Variants in DGKB observed in about 807,000 individuals in gnomAD.
DGKB encodes the protein diacylglycerol kinase beta.
A neutral mutation model predicts 114.3 loss-of-function variants in DGKB; 67 were observed. The observed-to-expected ratio is 0.59, with a 90% CI of 0.48 to 0.72. DGKB has a LOEUF of 0.72. DGKB is among the 30% of genes least tolerant of loss of function. The probability of loss-of-function intolerance (pLI) is 0.00; values close to 1 mark genes in which losing one functional copy is unlikely to be tolerated. For missense variants in DGKB, 907 were observed against 975.2 expected (o/e 0.93, Z 0.93); for synonymous variants, 398 against 323.1 (o/e 1.23, Z -2.49).
intron 1 of DGKB, among the ~76,000 whole-genome samples, chr7:14,957,178 G>A (rs545508176): frequency 3.6e-4 from 54 of 151,970 alleles, no homozygotes; most frequent in South Asian, 2.7e-3. Flanking sequence ...AAAATGCTTA[G>A]CCTGATTCAA....
intron 23 of DGKB, among the ~76,000 whole-genome samples, chr7:14,284,837 A>G (rs1380002722): frequency 2.2e-5 from 3 of 135,408 alleles, no homozygotes; most frequent in Admixed American, 1.7e-4. Flanking sequence ...CAGGAAGGGG[A>G]ACATCACACT....
Position 14,793,847 on chromosome 7 carries a change from A to G in DGKB, c.71-36116T>C, listed in dbSNP as rs146757996. 3.8e-3 allele frequency among the ~76,000 whole-genome samples: 584 copies of G among 152,212 alleles called. 2 individuals are homozygous for G. Among genetic ancestry groups the G allele is most frequent in the African/African-American group, 0.014 (561 of 41,552 alleles). On this transcript the variant is annotated intron_variant, in intron 2 of 25. Transcript: ENST00000402815. ...ATTAGCATCTAAATCTGTGGACTCA[A>G]TAAAGTAGATTGCCACCCCACTGTA... is the stretch of plus-strand genomic sequence containing the variant.
chr7:14,378,506 T>A (rs1013200538), intron 21 of DGKB, among the ~76,000 whole-genome samples: 4 of 152,174 alleles, frequency 2.6e-5, no homozygotes, highest in Admixed American at 6.5e-5. Flanking sequence ...AAATAAAAAA[T>A]TTATTTAAAA....
chr7:14,438,091 A>G (rs1055449430), intron 21 of DGKB, among the ~76,000 whole-genome samples: 6 of 152,000 alleles, frequency 3.9e-5, no homozygotes, highest in Admixed American at 3.9e-4. Context: ...TCCCCACACC[A>G]CAACCCCCAG....
intron 21 of DGKB, among the ~76,000 whole-genome samples, chr7:14,394,776 G>A (rs1233821374): frequency 6.6e-6 from 1 of 151,850 alleles, no homozygotes; most frequent in East Asian, 1.9e-4. Context: ...GATATTCTAA[G>A]GATGCTAGGT....
At chr7:14,470,017 T>G (rs1403013948) in intron 21 of DGKB, among the ~76,000 whole-genome samples, 1 of 151,910 alleles carries the variant, frequency 6.6e-6, no homozygotes, top group African/African-American at 2.4e-5. Flanking sequence ...ACTGGCCTCA[T>G]GATAATGCTT....
At chr7:14,670,559 C>T (rs1818804997) in intron 13 of DGKB, among the ~76,000 whole-genome samples, 2 of 152,008 alleles carry the variant, frequency 1.3e-5, no homozygotes, top group South Asian at 4.1e-4. Flanking sequence ...CCCACCTCGA[C>T]CCCCCAAAAT....
intron 23 of DGKB, among the ~76,000 whole-genome samples, chr7:14,331,776 C>G (rs997096328): frequency 1.3e-5 from 2 of 152,086 alleles, no homozygotes; most frequent in African/African-American, 4.8e-5. Context: ...GACGTCAGCT[C>G]ATTTATTCTC....
chr7:14,278,518 A>C (rs894226033), intron 23 of DGKB, among the ~76,000 whole-genome samples: 7 of 152,198 alleles, frequency 4.6e-5, no homozygotes, highest in African/African-American at 1.7e-4. Flanking sequence ...CTTAAACACA[A>C]GACCTAAAAC....
At chr7:14,274,584 AT>A (rs1258354529) in intron 23 of DGKB, among the ~76,000 whole-genome samples, 3 of 152,186 alleles carry the variant, frequency 2.0e-5, no homozygotes, top group African/African-American at 2.4e-5. Flanking sequence ...CTATTAAAAA[AT>A]GTCATAGACT....
chr7:14,884,936 C>A (rs1462385759), intron 1 of DGKB, among the ~76,000 whole-genome samples: 1 of 151,880 alleles, frequency 6.6e-6, no homozygotes, highest in Non-Finnish European at 1.5e-5. Context: ...TCACGTAAAA[C>A]TCAGAGAAAA....
At chr7:14,150,883 G>T (rs1038345061) in intron 25 of DGKB, among the ~76,000 whole-genome samples, 8 of 151,944 alleles carry the variant, frequency 5.3e-5, no homozygotes, top group African/African-American at 1.9e-4. Context: ...AATTTGTTCA[G>T]CCCCTACTAT....
chr7:14,822,990 G>A (rs1845156494), intron 2 of DGKB, among the ~76,000 whole-genome samples: 1 of 151,764 alleles, frequency 6.6e-6, no homozygotes, highest in South Asian at 2.1e-4. Flanking sequence ...AATTTACCAA[G>A]CATTTAACCC....
intron 4 of DGKB, among the ~76,000 whole-genome samples, chr7:14,747,256 A>C (rs922014984): frequency 2.7e-5 from 4 of 145,810 alleles, no homozygotes; most frequent in African/African-American, 1.0e-4. Context: ...ACTGTGGCCC[A>C]ATCATAGCTC....
chr7:14,659,390 T>C (rs912731541), intron 13 of DGKB, among the ~76,000 whole-genome samples: 3 of 152,020 alleles, frequency 2.0e-5, no homozygotes, highest in African/African-American at 7.2e-5. Flanking sequence ...CATTTGTTTG[T>C]ATCCTCTTTT....
chr7:14,781,570 T>A (rs1367038211), intron 2 of DGKB, among the ~76,000 whole-genome samples: 4 of 152,194 alleles, frequency 2.6e-5, no homozygotes, highest in African/African-American at 9.6e-5. Flanking sequence ...TTGGTTTTCC[T>A]TTCTTTGCTC....
chr7:14,788,210 G>A (rs369847015), intron 2 of DGKB, among the ~76,000 whole-genome samples: 11 of 152,300 alleles, frequency 7.2e-5, no homozygotes, highest in African/African-American at 1.2e-4. Flanking sequence ...ATCTGTTTGC[G>A]TCTGGAGAAG....
chr7:14,265,761 G>A (rs901525388), intron 23 of DGKB, among the ~76,000 whole-genome samples: 4 of 152,034 alleles, frequency 2.6e-5, no homozygotes, highest in African/African-American at 7.3e-5. Flanking sequence ...GCACATAGGA[G>A]GTTCTTTATC....
intron 21 of DGKB, among the ~76,000 whole-genome samples, chr7:14,457,979 T>A (rs1356215893): frequency 6.6e-6 from 1 of 152,226 alleles, no homozygotes; most frequent in African/African-American, 2.4e-5. Context: ...TTCTCTGGAT[T>A]GCGGGAAGTG....
Sources: allele counts gnomAD v4.1 joint callset (sites outside exome capture counted in the v4.1 genomes callset), GRCh38; gene constraint gnomAD v4.1.1; transcripts MANE v1.5; gene names NCBI Gene and HGNC (gene_info 2026-07-23, HGNC 2026-07-21).